GALNT17: variants seen among roughly 807,000 people sequenced by gnomAD.
GALNT17 encodes the protein UDP-GalNAc:polypeptide N-acetylgalactosaminyltransferase-like 3.
In GALNT17, 29 loss-of-function variants were observed where a neutral mutation model predicts 63.7. The observed-to-expected ratio is 0.46, with a 90% CI of 0.34 to 0.62. The LOEUF (loss-of-function observed/expected upper bound fraction) is 0.62. Ranked by LOEUF, GALNT17 falls within the 20% of genes least tolerant of loss-of-function variation. The probability of loss-of-function intolerance (pLI) is 0.01; values close to 1 mark genes in which losing one functional copy is unlikely to be tolerated. For synonymous variants in GALNT17, 305 were observed against 318.3 expected (o/e 0.96, Z 0.45); for missense variants, 603 against 799.6 (o/e 0.75, Z 2.97).
Position 71,335,676 on chromosome 7 carries a change from C to G in GALNT17, c.365C>G (p.Ser122Ter), listed in dbSNP as rs750663732. 6.2e-7 allele frequency: 1 copy of G among 1,612,780 alleles called. No homozygotes were observed. The highest frequency in any genetic ancestry group is 1.1e-5 in the South Asian group (1 of 90,750). ...CCCCATGAGAAGTATGGCTACAATT[C>G]ATACCTCAGTGAAAAAATTTCACTG... is the stretch of plus-strand genomic sequence containing the variant. ...KGPHEKYGYN[S>*]YLSEKISLDR... The change falls in exon 2 of 11, where the codon TCA becomes TGA. Residue 122 changes from serine (S) to a stop codon, truncating the protein, a stop_gained. Transcript: ENST00000333538. LOFTEE classifies it high-confidence loss of function.
At chr7:71,493,051 A>G (rs767979190) in intron 5 of GALNT17, among the ~76,000 whole-genome samples, 34 of 152,240 alleles carry the variant, frequency 2.2e-4, no homozygotes, top group Non-Finnish European at 3.8e-4. Context: ...CAGAATAAAT[A>G]GTTTTGATGT....
chr7:71,580,440 G>C (rs1789619298), intron 6 of GALNT17, among the ~76,000 whole-genome samples: 1 of 150,740 alleles, frequency 6.6e-6, no homozygotes, highest in Non-Finnish European at 1.5e-5. Context: ...TAGATAGATA[G>C]ATAGATGAGA....
chr7:71,473,588 T>A (rs984781492), intron 5 of GALNT17, among the ~76,000 whole-genome samples: 1 of 152,188 alleles, frequency 6.6e-6, no homozygotes, highest in Non-Finnish European at 1.5e-5. Context: ...TGGTCAGTTG[T>A]GCCTAAACTC....
chr7:71,712,238 G>A lies in GALNT17; in HGVS notation c.*92G>A. On this transcript the variant is annotated 3_prime_UTR_variant, in exon 11 of 11. Coordinates refer to ENST00000333538, the MANE Select transcript of GALNT17 (RefSeq NM_022479.3). The stretch of plus-strand genomic sequence containing the variant: ...AGCTGCCCTGGCGGAGAGACAGCAA[G>A]GGGCCGGCAGGTGCTCGATGGGCCC... 5 of 1,523,052 alleles carry A rather than the reference G, an allele frequency of 3.3e-6. No homozygotes were observed. In the South Asian group the frequency reaches 6.4e-5, roughly 19 times the overall value. The allele number at this position is 1,523,052 out of a possible 1,614,324, so 94.3% of individuals were successfully genotyped here.
intron 5 of GALNT17, among the ~76,000 whole-genome samples, chr7:71,430,532 T>C (rs551393673): frequency 6.6e-6 from 1 of 152,338 alleles, no homozygotes; most frequent in Admixed American, 6.5e-5. Flanking sequence ...TTCTGTGAGG[T>C]GACAGTGGTT....
intron 5 of GALNT17, among the ~76,000 whole-genome samples, chr7:71,443,820 G>A (rs891101832): frequency 2.0e-5 from 3 of 151,756 alleles, no homozygotes; most frequent in East Asian, 1.9e-4. Context: ...CACCTCCTGC[G>A]TTGAAGTCAT....
chr7:71,156,192 G>A (rs540181518), intron 1 of GALNT17, among the ~76,000 whole-genome samples: 56 of 149,500 alleles, frequency 3.7e-4, no homozygotes, highest in South Asian at 8.4e-4. Flanking sequence ...GTGAAACTCC[G>A]TCTCAAAAAA....
chr7:71,673,033 T>C (rs896696401), intron 8 of GALNT17, among the ~76,000 whole-genome samples: 8 of 152,170 alleles, frequency 5.3e-5, no homozygotes, highest in African/African-American at 1.9e-4. Flanking sequence ...TGAACAAAGA[T>C]TCATTTTTTG....
At chr7:71,449,763 C>T (rs566265970) in intron 5 of GALNT17, among the ~76,000 whole-genome samples, 73 of 152,020 alleles carry the variant, frequency 4.8e-4, no homozygotes, top group African/African-American at 1.6e-3. Context: ...ATTGTCTAAC[C>T]GGGCGCGGTG....
At chr7:71,162,861 G>A (rs1453360292) in intron 1 of GALNT17, among the ~76,000 whole-genome samples, 4 of 152,196 alleles carry the variant, frequency 2.6e-5, no homozygotes, top group Non-Finnish European at 5.9e-5. Flanking sequence ...TGCTCTGATT[G>A]ATGTGGAGAG....
intron 1 of GALNT17, among the ~76,000 whole-genome samples, chr7:71,147,969 C>G (rs1788056056): frequency 6.6e-6 from 1 of 152,156 alleles, no homozygotes; most frequent in African/African-American, 2.4e-5. Context: ...TTCTCTGTAA[C>G]CTCCCCTGAC....
At chr7:71,692,339 C>G (rs887563571) in intron 9 of GALNT17, among the ~76,000 whole-genome samples, 2 of 152,170 alleles carry the variant, frequency 1.3e-5, no homozygotes, top group African/African-American at 4.8e-5. Flanking sequence ...AGGTTACTTT[C>G]AGCTTTTCTT....
At chr7:71,571,489 CT>C in intron 6 of GALNT17, 87 bp downstream of exon 6, 1 of 1,005,622 alleles carries the variant, frequency 9.9e-7, no homozygotes, top group Non-Finnish European at 1.6e-6. Flanking sequence ...TTTAAAGCTC[CT>C]TACAGCTGAT....
intron 1 of GALNT17, among the ~76,000 whole-genome samples, chr7:71,299,083 G>A (rs548031707): frequency 2.6e-4 from 39 of 152,196 alleles, no homozygotes; most frequent in African/African-American, 9.2e-4. Context: ...GGAGACTATA[G>A]GGCCTTAGAC....
chr7:71,441,145 C>T (rs1787059649), intron 5 of GALNT17, among the ~76,000 whole-genome samples: 2 of 152,020 alleles, frequency 1.3e-5, no homozygotes, highest in African/African-American at 4.8e-5. Context: ...GCCTCAGCCT[C>T]ACAAGTAGCT....
chr7:71,615,876 G>A (rs1790194432), intron 6 of GALNT17, among the ~76,000 whole-genome samples: 1 of 152,164 alleles, frequency 6.6e-6, no homozygotes, highest in Non-Finnish European at 1.5e-5. Flanking sequence ...CCTCCACTCG[G>A]CTTGACAGGA....
At chr7:71,458,858 G>A (rs1343389011) in intron 5 of GALNT17, among the ~76,000 whole-genome samples, 1 of 152,088 alleles carries the variant, frequency 6.6e-6, no homozygotes, top group Non-Finnish European at 1.5e-5. Flanking sequence ...TGCTCCGGGA[G>A]CTGGGGGTTC....
At chr7:71,532,880 G>A (rs1215072617) in intron 5 of GALNT17, among the ~76,000 whole-genome samples, 1 of 151,982 alleles carries the variant, frequency 6.6e-6, no homozygotes, top group Non-Finnish European at 1.5e-5. Context: ...TGCCTTCCTA[G>A]GACCACCATT....
At chr7:71,684,831 T>A (rs1047838192) in intron 9 of GALNT17, among the ~76,000 whole-genome samples, 3 of 152,002 alleles carry the variant, frequency 2.0e-5, no homozygotes, top group Non-Finnish European at 4.4e-5. Context: ...ACCCAGCTAA[T>A]TTTTCAGTTT....
Sources: allele counts gnomAD v4.1 joint callset (sites outside exome capture counted in the v4.1 genomes callset), GRCh38; gene constraint gnomAD v4.1.1; transcripts MANE v1.5; gene names NCBI Gene and HGNC (gene_info 2026-07-23, HGNC 2026-07-21).